PCNX2: variants seen among roughly 807,000 people sequenced by gnomAD.
The protein encoded by PCNX2 is pecanex-like protein 2.
Under a neutral mutation model 223.8 loss-of-function variants are expected in PCNX2, and 168 were observed. That is an observed-to-expected ratio of 0.75 (90% CI 0.66 to 0.85). The LOEUF is 0.85. Among genes scored for constraint, PCNX2 ranks in the 40% least tolerant of loss-of-function variants. The pLI, the probability that PCNX2 is intolerant of heterozygous loss-of-function variation, is 0.00. For synonymous variants in PCNX2, 1,006 were observed against 1,052.6 expected (o/e 0.96, Z 0.86); for missense variants, 2,507 against 2,675.5 (o/e 0.94, Z 1.39).
At chr1:233,131,996 G>T (rs1676532906) in intron 21 of PCNX2, among the ~76,000 whole-genome samples, 1 of 151,924 alleles carries the variant, frequency 6.6e-6, no homozygotes, top group East Asian at 1.9e-4. Context: ...GAGTGCAGTG[G>T]TGGGATTTCA....
intron 12 of PCNX2, among the ~76,000 whole-genome samples, chr1:233,211,149 T>A (rs918097015): frequency 6.6e-6 from 1 of 152,110 alleles, no homozygotes; most frequent in African/African-American, 2.4e-5. Flanking sequence ...GGGAAAATTG[T>A]AGAGGCACAC....
chr1:233,322,397 C>T, the PCNX2 span, among the ~76,000 whole-genome samples: 8 of 152,110 alleles, frequency 5.3e-5, no homozygotes, highest in South Asian at 2.1e-4. Flanking sequence ...AAAATAGCAC[C>T]GAAGCAACAA....
At chr1:233,036,629 C>CAAA (rs34006978) in intron 25 of PCNX2, among the ~76,000 whole-genome samples, 1 of 132,500 alleles carries the variant, frequency 7.5e-6, no homozygotes, top group African/African-American at 2.7e-5. Flanking sequence ...GACTCCATCT[C>CAAA]AAAAAAAAAA....
At position 232,994,030 on chromosome 1, in the gene PCNX2, C is replaced by A. The variant is rs6668410; in HGVS notation, c.5791+4221G>T. Among the ~76,000 whole-genome samples the A allele has an allele frequency of 2.6e-3, 397 of 152,336 alleles. 2 individuals are homozygous for A. Among genetic ancestry groups the A allele is most frequent in the African/African-American group, 9.1e-3 (378 of 41,584 alleles). On this transcript the variant is annotated intron_variant, in intron 32 of 33. Transcript: ENST00000258229. ...GCAGGGGCGGAGTTCTCATGGAGAA[C>A]CTCTGCTAGGGCAGTGCAGAAGGGA... is the stretch of plus-strand genomic sequence containing the variant.
chr1:233,088,992 A>C (rs1341843593), intron 23 of PCNX2, among the ~76,000 whole-genome samples: 5 of 152,190 alleles, frequency 3.3e-5, no homozygotes, highest in Non-Finnish European at 7.3e-5. Flanking sequence ...ATCAGTGTTA[A>C]GTGGGAGAGA....
At chr1:233,210,806 T>C (rs1681771241) in intron 12 of PCNX2, among the ~76,000 whole-genome samples, 1 of 152,150 alleles carries the variant, frequency 6.6e-6, no homozygotes, top group African/African-American at 2.4e-5. Flanking sequence ...TAAAATACAC[T>C]GTAGGGAGCA....
intron 21 of PCNX2, among the ~76,000 whole-genome samples, chr1:233,128,078 A>G (rs1387457804): frequency 6.6e-6 from 1 of 152,230 alleles, no homozygotes; most frequent in African/African-American, 2.4e-5. Flanking sequence ...AGTCCATGAC[A>G]AAGCCACACA....
At chr1:233,040,392 C>A (rs752361419) in intron 25 of PCNX2, among the ~76,000 whole-genome samples, 1 of 152,184 alleles carries the variant, frequency 6.6e-6, no homozygotes, top group African/African-American at 2.4e-5. Context: ...ATGCAGTTCA[C>A]GTCATTTGCT....
intron 12 of PCNX2, among the ~76,000 whole-genome samples, chr1:233,213,039 G>A (rs746075201): frequency 4.0e-4 from 61 of 152,172 alleles, no homozygotes; most frequent in Admixed American, 6.5e-4. Context: ...CTATCTTATC[G>A]TGAGATAAAC....
chr1:233,194,106 T>C (rs1413497008), intron 15 of PCNX2, among the ~76,000 whole-genome samples: 1 of 149,976 alleles, frequency 6.7e-6, no homozygotes, highest in Non-Finnish European at 1.5e-5. Flanking sequence ...CACAGCATTG[T>C]CAAATGGCTG....
intron 23 of PCNX2, among the ~76,000 whole-genome samples, chr1:233,079,265 C>G (rs1673241466): frequency 6.6e-6 from 1 of 152,106 alleles, no homozygotes; most frequent in Non-Finnish European, 1.5e-5. Flanking sequence ...TGGCTTACAC[C>G]TGTAATTCCA....
At chr1:233,089,345 G>A (rs183445822) in intron 23 of PCNX2, among the ~76,000 whole-genome samples, 1 of 152,196 alleles carries the variant, frequency 6.6e-6, no homozygotes, top group East Asian at 1.9e-4. Context: ...CAATGCAAAG[G>A]TCTCTGTCCC....
chr1:233,107,638 G>A (rs1674872922), intron 21 of PCNX2, among the ~76,000 whole-genome samples: 2 of 150,402 alleles, frequency 1.3e-5, no homozygotes, highest in East Asian at 3.9e-4. Flanking sequence ...ATACAAAGCT[G>A]TAAAGCATGT....
At chr1:233,216,323 G>A (rs1301222516) in intron 12 of PCNX2, among the ~76,000 whole-genome samples, 2 of 152,294 alleles carry the variant, frequency 1.3e-5, no homozygotes, top group East Asian at 3.9e-4. Context: ...ACAAAATAAT[G>A]CCAGGGCACC....
At chr1:233,040,702 C>T (rs780639724) in intron 25 of PCNX2, among the ~76,000 whole-genome samples, 2 of 152,150 alleles carry the variant, frequency 1.3e-5, no homozygotes, top group South Asian at 2.1e-4. Flanking sequence ...CGCCTCCTGC[C>T]GTCACTCTTG....
chr1:233,147,502 CA>C (rs1379999914), intron 19 of PCNX2, among the ~76,000 whole-genome samples: 1 of 150,982 alleles, frequency 6.6e-6, no homozygotes, highest in East Asian at 1.9e-4. Flanking sequence ...CCTGCTGGCT[CA>C]GGGGTGGAAG....
At chr1:233,225,466 G>A (rs1416931899) in intron 10 of PCNX2, among the ~76,000 whole-genome samples, 5 of 152,142 alleles carry the variant, frequency 3.3e-5, no homozygotes, top group African/African-American at 1.2e-4. Flanking sequence ...AGGCTGACTC[G>A]AGTCCAGGGA....
Position 232,990,866 on chromosome 1 carries a change from G to A in PCNX2, c.5792-4326C>T, listed in dbSNP as rs983429839. On this transcript the variant is annotated intron_variant, in intron 32 of 33. Transcript: ENST00000258229. The surrounding 1 kb of genome is among the most constrained non-coding windows in gnomAD (Gnocchi z 4.3). ...AGGGTCGTCTCCCAGGGCGGACCTT[G>A]GGCCTACTTGCAGGCACGTGCACCC... Among the ~76,000 whole-genome samples, 5 of 152,184 alleles carry A rather than the reference G, an allele frequency of 3.3e-5. No homozygotes were observed. The highest frequency in any genetic ancestry group is 1.2e-4 in the African/African-American group (5 of 41,452).
intron 5 of PCNX2, among the ~76,000 whole-genome samples, chr1:233,254,503 C>A (rs960932181): frequency 3.9e-5 from 6 of 152,078 alleles, no homozygotes; most frequent in Admixed American, 2.6e-4. Flanking sequence ...AACATATGGA[C>A]GGTTTTTTTC....
Sources: allele counts gnomAD v4.1 joint callset (sites outside exome capture counted in the v4.1 genomes callset), GRCh38; gene constraint gnomAD v4.1.1; non-coding constraint Gnocchi (gnomAD v3.1); transcripts MANE v1.5; gene names NCBI Gene and HGNC (gene_info 2026-07-23, HGNC 2026-07-21).